ADGRV1: variants seen among roughly 807,000 people sequenced by gnomAD.
The protein encoded by ADGRV1 is adhesion G protein-coupled receptor V1.
A neutral mutation model predicts 596.2 loss-of-function variants in ADGRV1; 359 were observed. The observed-to-expected ratio is 0.60, with a 90% CI of 0.55 to 0.66. ADGRV1 has a LOEUF of 0.66. Among genes scored for constraint, ADGRV1 ranks in the 30% least tolerant of loss-of-function variants. ADGRV1 has a pLI of 0.00. For synonymous variants in ADGRV1, 2,681 were observed against 2,679.2 expected (o/e 1.00, Z -0.02); for missense variants, 7,274 against 7,575.6 (o/e 0.96, Z 1.48).
At chr5:91,094,000 C>T (rs1360746329) in intron 86 of ADGRV1, among the ~76,000 whole-genome samples, 6 of 151,762 alleles carry the variant, frequency 4.0e-5, no homozygotes, top group East Asian at 4.0e-4. Flanking sequence ...TACAGGCATG[C>T]GCCACCACAC....
At chr5:90,899,114 G>A (rs1025664996) in intron 83 of ADGRV1, 1 of 152,156 alleles carries the variant, frequency 6.6e-6, no homozygotes, top group African/African-American at 2.4e-5. Context: ...GGCCACACAT[G>A]ACATAGAAAA....
rs1465494825 is a variant in ADGRV1, at chr5:90,667,846, C to T, written c.4753-4700C>T. 5.9e-5 allele frequency among the ~76,000 whole-genome samples: 9 copies of T among 152,178 alleles called. No homozygotes were observed. The South Asian group carries it at 1.0e-3, about 18-fold the overall frequency. ...TTCTAACAGACAGGACCCTCAGCTG[C>T]AGGGCTGTTGGAGTACCCTGCCGTG... On this transcript the variant is annotated intron_variant, in intron 21 of 89. Transcript: ENST00000405460.
chr5:90,757,026 C>T lies in ADGRV1; in HGVS notation c.11805C>T (p.Asn3935=), dbSNP rs144269892. 414 of 1,613,632 alleles carry T rather than the reference C, an allele frequency of 2.6e-4. 1 individual carries two copies. In the African/African-American group the frequency reaches 3.9e-3, roughly 15 times the overall value. ...ITAYEVPPPL[N]VLQVPVVRLA... is the part of the protein sequence containing the mutation. ...CCTATGAGGTGCCTCCACCCTTGAA[C>T]GTTCTTCAAGTTCCTGTAGTCCGGC... Residue 3935 remains asparagine (N), a synonymous_variant, in exon 57 of 90, where the codon AAC becomes AAT. Transcript: ENST00000405460.
At chr5:90,999,396 C>T (rs1173564415) in intron 85 of ADGRV1, among the ~76,000 whole-genome samples, 1 of 151,834 alleles carries the variant, frequency 6.6e-6, no homozygotes, top group East Asian at 1.9e-4. Context: ...ACGGTGAAAA[C>T]ATATGTTGCC....
intron 86 of ADGRV1, among the ~76,000 whole-genome samples, chr5:91,094,548 A>G (rs1223603704): frequency 6.6e-6 from 1 of 152,208 alleles, no homozygotes; most frequent in Non-Finnish European, 1.5e-5. Context: ...CGAAGCTGTC[A>G]AAATAGGTTC....
chr5:90,888,570 T>C (rs1051813237), intron 83 of ADGRV1, among the ~76,000 whole-genome samples: 1 of 152,162 alleles, frequency 6.6e-6, no homozygotes, highest in African/African-American at 2.4e-5. Context: ...AAATGACTAA[T>C]GGGCCTTCAT....
chr5:91,085,846 T>C (rs1789823911), intron 86 of ADGRV1, among the ~76,000 whole-genome samples: 1 of 152,214 alleles, frequency 6.6e-6, no homozygotes, highest in Admixed American at 6.5e-5. Context: ...GCCTCTCTTC[T>C]TTCTTTAACC....
intron 86 of ADGRV1, among the ~76,000 whole-genome samples, chr5:91,083,249 G>A (rs1283404273): frequency 6.6e-6 from 1 of 151,830 alleles, no homozygotes; most frequent in African/African-American, 2.4e-5. Flanking sequence ...CATGGGGTAG[G>A]GGGGATGGGG....
At chr5:90,737,291 A>G (rs1346110828) in intron 50 of ADGRV1, among the ~76,000 whole-genome samples, 5 of 151,992 alleles carry the variant, frequency 3.3e-5, no homozygotes, top group African/African-American at 1.2e-4. Flanking sequence ...ATGATCAGAA[A>G]ACATACTTGC....
intron 83 of ADGRV1, among the ~76,000 whole-genome samples, chr5:90,879,675 A>T (rs1769568992): frequency 6.6e-6 from 1 of 152,088 alleles, no homozygotes; most frequent in Admixed American, 6.6e-5. Flanking sequence ...GGCCAGGCAC[A>T]ATGGCTTGTG....
At chr5:91,151,738 T>G (rs1270032555) in intron 88 of ADGRV1, among the ~76,000 whole-genome samples, 1 of 152,238 alleles carries the variant, frequency 6.6e-6, no homozygotes, top group Non-Finnish European at 1.5e-5. Flanking sequence ...CAGTTTATCA[T>G]TCACCCTCAC....
At chr5:90,796,746 G>A (rs938319562) in intron 70 of ADGRV1, among the ~76,000 whole-genome samples, 2 of 152,182 alleles carry the variant, frequency 1.3e-5, no homozygotes, top group Non-Finnish European at 2.9e-5. Context: ...CCCACAAAGG[G>A]AAGCCCATCA....
At chr5:90,994,965 A>T (rs1003291660) in intron 85 of ADGRV1, among the ~76,000 whole-genome samples, 2 of 152,192 alleles carry the variant, frequency 1.3e-5, no homozygotes, top group African/African-American at 4.8e-5. Flanking sequence ...CCTTCACATT[A>T]TATATACCCT....
chr5:90,573,570 A>G (rs1221599433), intron 1 of ADGRV1, among the ~76,000 whole-genome samples: 1 of 152,194 alleles, frequency 6.6e-6, no homozygotes, highest in Non-Finnish European at 1.5e-5. Context: ...TGTAGTAAAA[A>G]TACAATATTA....
At chr5:90,775,424 G>A (rs1032200862) in intron 60 of ADGRV1, among the ~76,000 whole-genome samples, 2 of 152,094 alleles carry the variant, frequency 1.3e-5, no homozygotes, top group Non-Finnish European at 2.9e-5. Context: ...ATGTCACATA[G>A]GCTAATTAAA....
intron 85 of ADGRV1, among the ~76,000 whole-genome samples, chr5:91,071,852 T>G (rs1187693680): frequency 6.6e-6 from 1 of 151,944 alleles, no homozygotes; most frequent in African/African-American, 2.4e-5. Flanking sequence ...TTTTTTTGTA[T>G]TTTTAGTAGA....
At chr5:90,940,047 CT>C (rs1175335491) in intron 83 of ADGRV1, among the ~76,000 whole-genome samples, 1 of 152,130 alleles carries the variant, frequency 6.6e-6, no homozygotes, top group Non-Finnish European at 1.5e-5. Context: ...TCTTATTTTC[CT>C]TAGGCCTTCA....
chr5:90,795,815 T>A lies in ADGRV1; in HGVS notation c.14517+4469T>A, dbSNP rs144522141. ...CCAGAGGAAAGAACAGGCAGCAATC[T>A]TTGCTGTTCTGCAGCCTCTGCTGGT... On this transcript the variant is annotated intron_variant, in intron 70 of 89. Transcript: ENST00000405460. Among the ~76,000 whole-genome samples the A allele has an allele frequency of 2.4e-3, 360 of 152,322 alleles. 5 individuals are homozygous for A. The highest frequency in any genetic ancestry group is 8.4e-3 in the African/African-American group (351 of 41,576).
chr5:91,029,211 C>T (rs1283655308), intron 85 of ADGRV1, among the ~76,000 whole-genome samples: 1 of 151,158 alleles, frequency 6.6e-6, no homozygotes, highest in Non-Finnish European at 1.5e-5. Flanking sequence ...GACTCCGTCT[C>T]AAAAAAAAAT....
Sources: gnomAD v4.1 joint callset for allele counts (sites outside exome capture counted in the v4.1 genomes callset) on GRCh38, gnomAD v4.1.1 for gene constraint, MANE v1.5 for transcripts, NCBI Gene and HGNC (gene_info 2026-07-23, HGNC 2026-07-21) for gene names.